Variants in MARF1 observed in about 807,000 individuals in gnomAD.
The protein encoded by MARF1 is limkain-b1.
In MARF1, 24 loss-of-function variants were observed where a neutral mutation model predicts 168.2. That is an observed-to-expected ratio of 0.14 (90% CI 0.10 to 0.20). The LOEUF (loss-of-function observed/expected upper bound fraction) is 0.20. MARF1 is among the 10% of genes least tolerant of loss of function. The probability of loss-of-function intolerance (pLI) is 1.00; values close to 1 mark genes in which losing one functional copy is unlikely to be tolerated. For synonymous variants in MARF1, 868 were observed against 822.4 expected, an observed-to-expected ratio of 1.06 and a Z score of -0.95; for missense variants, 1,744 against 2,143.6, an observed-to-expected ratio of 0.81 and a Z score of 3.68.
rs1023085078 is a variant in MARF1 at position 15,636,471 on chromosome 16, A to C, written c.145-129T>G. ...TTACATCACTAAATCATAACTGAAC[A>C]AAATGGAATCACAGCTAGTTAAAAC... On this transcript the variant is annotated intron_variant, in intron 2 of 26. Transcript: ENST00000396368. The C allele has an allele frequency of 1.3e-5, 9 of 675,438 alleles. No homozygotes were observed. The East Asian group carries it at 2.2e-4, about 17-fold the overall frequency. The allele number at this position is 675,438 out of a possible 1,614,324, so 41.8% of individuals were successfully genotyped here.
intron 12 of MARF1, chr16:15,621,482 C>A (rs2034458305): frequency 2.1e-6 from 1 of 475,296 alleles, no homozygotes; most frequent in Non-Finnish European, 3.7e-6. Flanking sequence ...TTTTTAGAAC[C>A]TATTTGAACA....
chr16:15,622,955 T>C lies in MARF1; in HGVS notation c.2439A>G (p.Glu813=). Residue 813 remains glutamate, a synonymous_variant, in exon 11 of 27, where the codon GAA becomes GAG. Transcript: ENST00000396368. ...TTACCTTGCCATGCCTGGCAAATGC[T>C]TCCTGCAGGAGCTGCTGCAGCTCCT... ...SRKELQQLLQ[E]AFARHGKVKS... 2 of 1,576,130 alleles carry C rather than the reference T, an allele frequency of 1.3e-6. No homozygotes were observed. Among genetic ancestry groups the C allele is most frequent in the Admixed American group, 1.7e-5 (1 of 58,150 alleles).
At chr16:15,604,447 T>G (rs762246827) in intron 21 of MARF1, 49 bp from the exon 22 acceptor site, 1 of 1,329,722 alleles carries the variant, frequency 7.5e-7, no homozygotes, top group Admixed American at 1.7e-5. Context: ...AGAGACACCC[T>G]AGGTTATACC....
chr16:15,612,153 T>C (rs2151112833), intron 17 of MARF1, among the ~76,000 whole-genome samples: 1 of 152,322 alleles, frequency 6.6e-6, no homozygotes, highest in Non-Finnish European at 1.5e-5. Flanking sequence ...TGCTACACTC[T>C]AGCCCAGTAA....
intron 7 of MARF1, 58 bp downstream of exon 7, chr16:15,630,274 C>G (rs2035161716): frequency 6.6e-7 from 1 of 1,518,642 alleles, no homozygotes; most frequent in East Asian, 2.3e-5. Flanking sequence ...TATGGGCTGT[C>G]TTTCAGCCTC....
chr16:15,613,850 T>A (rs1161431619), intron 16 of MARF1, among the ~76,000 whole-genome samples: 1 of 152,134 alleles, frequency 6.6e-6, no homozygotes, highest in Non-Finnish European at 1.5e-5. Context: ...AAGAGCAGGC[T>A]GACTCAGAAA....
chr16:15,611,498 C>T, intron 18 of MARF1, 94 bp downstream of exon 18: 3 of 1,048,998 alleles, frequency 2.9e-6, no homozygotes, highest in Non-Finnish European at 4.0e-6. Flanking sequence ...CAAAAGAATG[C>T]TTAATAGAAA....
intron 11 of MARF1, among the ~76,000 whole-genome samples, 164 bp from the exon 12 acceptor site, chr16:15,622,075 G>A (rs77087243): frequency 0.013 from 1,973 of 152,242 alleles, 22 homozygotes; most frequent in Non-Finnish European, 0.021. Context: ...AGAAAGTGAG[G>A]ATAGGGTGAC....
intron 22 of MARF1, among the ~76,000 whole-genome samples, chr16:15,603,938 C>T (rs2071330): frequency 0.43 from 65,445 of 151,698 alleles, 14,429 homozygotes; most frequent in Middle Eastern, 0.51. Context: ...CATCCTAGAA[C>T]GGGACAAACA....
intron 15 of MARF1, chr16:15,616,831 T>G: frequency 1.9e-6 from 1 of 519,412 alleles, no homozygotes; most frequent in Non-Finnish European, 3.4e-6. Context: ...CTAGTGAAAA[T>G]ATGTGATTAT....
chr16:15,600,763 T>G, intron 23 of MARF1, 62 bp from the exon 24 acceptor site: 1 of 1,563,622 alleles, frequency 6.4e-7, no homozygotes, highest in South Asian at 1.1e-5. Context: ...GCCCTAACAT[T>G]CAGGAAGAGT....
intron 1 of MARF1, among the ~76,000 whole-genome samples, chr16:15,641,227 CTT>C (rs775200784): frequency 1.1e-4 from 17 of 152,172 alleles, no homozygotes; most frequent in Non-Finnish European, 2.5e-4. Flanking sequence ...CACTGTATCT[CTT>C]GTGCCAACCA....
intron 22 of MARF1, chr16:15,602,467 TGAA>T (rs754108958): frequency 8.4e-6 from 5 of 594,156 alleles, no homozygotes; most frequent in Middle Eastern, 8.6e-4. Context: ...ACGACAAAGA[TGAA>T]GACAAAGAAC....
chr16:15,608,539 A>AG, intron 20 of MARF1, 21 bp from the exon 21 acceptor site: 1 of 1,555,924 alleles, frequency 6.4e-7, no homozygotes, highest in South Asian at 1.1e-5. Flanking sequence ...ACACGGGGGG[A>AG]GGAAAGGGAA....
rs372883824 is a variant in MARF1 at position 15,628,046 on chromosome 16, A to C, written c.1525-2246T>G. On this transcript the variant is annotated intron_variant, in intron 7 of 26. Coordinates refer to ENST00000396368, the MANE Select transcript of MARF1 (RefSeq NM_014647.4). ...GCTGGAAATGGTAAAAAACAAAACA[A>C]AACACAAAACTGGGTATAAACAAAA... Among the ~76,000 whole-genome samples, 14 of 152,336 alleles carry C rather than the reference A, an allele frequency of 9.2e-5. No homozygotes were observed. The East Asian group carries it at 2.7e-3, about 29-fold the overall frequency.
At chr16:15,611,255 G>A (rs1409737217) in intron 18 of MARF1, 147 bp from the exon 19 acceptor site, 45 of 730,134 alleles carry the variant, frequency 6.2e-5, no homozygotes, top group Non-Finnish European at 9.9e-5. Flanking sequence ...TCAAGAGATC[G>A]CGACCATCCT....
At chr16:15,609,110 G>A (rs1019658954) in intron 20 of MARF1, among the ~76,000 whole-genome samples, 29 of 152,082 alleles carry the variant, frequency 1.9e-4, no homozygotes, top group Admixed American at 7.9e-4. Flanking sequence ...ATGGTGGCGG[G>A]CACCTGTAAT....
chr16:15,620,613 C>A, intron 12 of MARF1, 82 bp from the exon 13 acceptor site: 1 of 851,624 alleles, frequency 1.2e-6, no homozygotes, highest in Non-Finnish European at 1.8e-6. Context: ...AAAATTAACC[C>A]AGTGCATATG....
Position 15,635,966 on chromosome 16 carries a change from C to T in MARF1, c.521G>A (p.Ser174Asn), listed in dbSNP as rs1409871745. 9.3e-6 allele frequency: 15 copies of T among 1,614,076 alleles called. No individual in the cohort carries two copies. Among genetic ancestry groups the T allele is most frequent in the Admixed American group, 3.3e-5 (2 of 60,012 alleles). ...SARNNLAGIASDFPSMCLESN... is the reference protein window; with the variant it reads ...SARNNLAGIANDFPSMCLESN... ...CTCTAGACACATGCTGGGAAAGTCA[C>T]TTGCAATGCCTGCCAAATTGTTCCT... The change falls in exon 3 of 27, where the codon AGT becomes AAT. Residue 174 changes from serine to asparagine, a missense_variant. By Grantham distance (46) the Ser-to-Asn change is conservative. Around this residue, in one of 7 missense-constraint regions of MARF1, gnomAD observed 318 missense variants for 336.6 expected, o/e 0.94. Transcript: ENST00000396368.
Sources: allele counts gnomAD v4.1 joint callset (sites outside exome capture counted in the v4.1 genomes callset), GRCh38; gene constraint gnomAD v4.1.1; regional missense constraint gnomAD v4.1.1; transcripts MANE v1.5; gene names NCBI Gene and HGNC (gene_info 2026-07-23, HGNC 2026-07-21).